Variants in SLC44A1 observed in about 807,000 individuals in gnomAD.
SLC44A1 encodes choline transporter-like protein 1.
In SLC44A1, 26 loss-of-function variants were observed where a neutral mutation model predicts 79.3. That is an observed-to-expected ratio of 0.33 (90% CI 0.24 to 0.46). The LOEUF (loss-of-function observed/expected upper bound fraction) is 0.46. Ranked by LOEUF, SLC44A1 falls within the 20% of genes least tolerant of loss-of-function variation. The probability of loss-of-function intolerance (pLI) is 1.00; values close to 1 mark genes in which losing one functional copy is unlikely to be tolerated. For missense variants in SLC44A1, 688 were observed against 798.1 expected (o/e 0.86, Z 1.66); for synonymous variants, 263 against 286.2 (o/e 0.92, Z 0.82).
chr9:105,255,078 C>T (rs1451456924), intron 1 of SLC44A1, among the ~76,000 whole-genome samples: 1 of 149,622 alleles, frequency 6.7e-6, no homozygotes, highest in Non-Finnish European at 1.5e-5. Flanking sequence ...TTTGTTTTAA[C>T]CTGCTTACTT....
chr9:105,344,150 A>G (rs917126225), intron 4 of SLC44A1, among the ~76,000 whole-genome samples: 1 of 152,176 alleles, frequency 6.6e-6, no homozygotes, highest in African/African-American at 2.4e-5. Context: ...TTTCTTATTA[A>G]TTGCAAATTT....
rs764551018 is a variant in SLC44A1 at position 105,254,969 on chromosome 9, TTTCC to T, written c.36+10068_36+10071del. Among the ~76,000 whole-genome samples, 12 of 152,310 alleles carry T rather than the reference TTTCC, an allele frequency of 7.9e-5. No individual in the cohort carries two copies. In the South Asian group the frequency reaches 2.5e-3, roughly 32 times the overall value. On this transcript the variant is annotated intron_variant, in intron 1 of 15. Transcript: ENST00000374720. Reference sequence around the variant, plus strand: ...GTATCAAAAAACTGATAGTTTTTATTTTCCTTATTTTTTTTCCACCTCCAGCTGA... The same window carrying T: ...GTATCAAAAAACTGATAGTTTTTATTTTATTTTTTTTCCACCTCCAGCTGA...
intron 1 of SLC44A1, among the ~76,000 whole-genome samples, chr9:105,283,171 A>G (rs1588731566): frequency 6.6e-6 from 1 of 152,218 alleles, no homozygotes; most frequent in South Asian, 2.1e-4. Flanking sequence ...ATTTCCGGGC[A>G]TGGAGCGGGT....
chr9:105,244,951 C>T (rs1829391761), intron 1 of SLC44A1, 47 bp downstream of exon 1: 4 of 1,052,952 alleles, frequency 3.8e-6, no homozygotes, highest in African/African-American at 1.7e-5. Context: ...GCCTCCCGTG[C>T]GCCGCGTCGC....
chr9:105,289,949 G>T (rs959691057), intron 1 of SLC44A1, among the ~76,000 whole-genome samples: 2 of 151,986 alleles, frequency 1.3e-5, no homozygotes, highest in Non-Finnish European at 2.9e-5. Context: ...GAGTATCTGG[G>T]ATTACAGGTG....
intron 2 of SLC44A1, 86 bp from the exon 3 acceptor site, chr9:105,309,638 C>T: frequency 1.6e-6 from 2 of 1,252,604 alleles, no homozygotes; most frequent in Non-Finnish European, 2.3e-6. Flanking sequence ...CTTCAGCAGA[C>T]AAAAAGAAGC....
chr9:105,312,119 C>A (rs1831197728), intron 3 of SLC44A1, among the ~76,000 whole-genome samples: 2 of 152,248 alleles, frequency 1.3e-5, no homozygotes, highest in Admixed American at 1.3e-4. Context: ...TTACTAAGAC[C>A]TTTATACATA....
chr9:105,365,195 C>T (rs571058612), intron 10 of SLC44A1, among the ~76,000 whole-genome samples: 1 of 152,230 alleles, frequency 6.6e-6, no homozygotes, highest in African/African-American at 2.4e-5. Context: ...TTTCTGATGA[C>T]CCCATAAGTA....
chr9:105,335,619 C>T lies in SLC44A1; in HGVS notation c.326C>T (p.Ser109Phe), dbSNP rs1826890080. 1.9e-6 allele frequency: 3 copies of T among 1,613,448 alleles called. No individual in the cohort carries two copies. The highest frequency in any genetic ancestry group is 2.2e-5 in the South Asian group (2 of 91,010). ...GACTTGATAAACCGGAAGATTAAGT[C>T]TGTAGCACTGTGTGTAGCAGCGTGT... ...NLDLINRKIK[S>F]VALCVAACPR... Residue 109 changes from serine to phenylalanine, a missense_variant, in exon 4 of 16, where the codon TCT (serine) becomes TTT (phenylalanine). Transcript: ENST00000374720.
chr9:105,424,366 G>T (rs911138511), intron 15 of SLC44A1, among the ~76,000 whole-genome samples: 1 of 152,220 alleles, frequency 6.6e-6, no homozygotes, highest in African/African-American at 2.4e-5. Context: ...AGATGTGGCT[G>T]GAGCTTGCCC....
chr9:105,244,659 A>AGCCGCC lies in SLC44A1; in HGVS notation c.-208_-203dup, dbSNP rs745361237. 1.2e-5 allele frequency: 3 copies of AGCCGCC among 246,564 alleles called. No homozygotes were observed. Among genetic ancestry groups the AGCCGCC allele is most frequent in the South Asian group, 1.5e-4 (1 of 6,608 alleles). The allele number at this position is 246,564 out of a possible 1,614,324, so 15.3% of individuals were successfully genotyped here. A position where few individuals can be genotyped will look rare whatever the true frequency, so the allele number is the denominator to read the frequency against. The stretch of plus-strand genomic sequence containing the variant: ...AGCAGGAGCAGAGCAGGAGACGCGT[A>AGCCGCC]GCCGCCGTCGCCGCCGCCGGGGGAT... On this transcript the variant is annotated 5_prime_UTR_variant, in exon 1 of 16. Coordinates refer to ENST00000374720, the MANE Select transcript of SLC44A1 (RefSeq NM_080546.5).
intron 4 of SLC44A1, among the ~76,000 whole-genome samples, chr9:105,340,437 G>A (rs1827051990): frequency 6.6e-6 from 1 of 152,180 alleles, no homozygotes; most frequent in East Asian, 1.9e-4. Flanking sequence ...AAGATGAAGA[G>A]AGTTCTGGAG....
chr9:105,289,792 A>G (rs1830560489), intron 1 of SLC44A1, among the ~76,000 whole-genome samples: 1 of 151,254 alleles, frequency 6.6e-6, no homozygotes, highest in African/African-American at 2.4e-5. Flanking sequence ...ATTATAAGTC[A>G]GTTCTCAGTG....
intron 15 of SLC44A1, among the ~76,000 whole-genome samples, chr9:105,408,402 T>TTTGTTGTTG (rs71364094): frequency 0.086 from 12,986 of 151,812 alleles, 1,342 homozygotes; most frequent in African/African-American, 0.25. Flanking sequence ...TTGTCACTCA[T>TTTGTTGTTG]TTGTTGTTGT....
intron 15 of SLC44A1, among the ~76,000 whole-genome samples, chr9:105,412,209 ATATT>A (rs1564055841): frequency 1.3e-5 from 2 of 152,226 alleles, no homozygotes; most frequent in African/African-American, 4.8e-5. Flanking sequence ...CATCAAATAC[ATATT>A]TATTTGTTGA....
intron 15 of SLC44A1, among the ~76,000 whole-genome samples, chr9:105,433,802 A>G (rs1299818617): frequency 1.3e-5 from 2 of 152,182 alleles, no homozygotes; most frequent in Non-Finnish European, 2.9e-5. Flanking sequence ...CAATCAAGTC[A>G]TTATACAATG....
chr9:105,384,361 A>G (rs1828566672), intron 14 of SLC44A1, among the ~76,000 whole-genome samples: 1 of 151,942 alleles, frequency 6.6e-6, no homozygotes, highest in Non-Finnish European at 1.5e-5. Context: ...TTGTATTTTT[A>G]GTAGAGATGG....
chr9:105,308,538 T>C (rs913465990), intron 2 of SLC44A1, among the ~76,000 whole-genome samples: 1 of 152,224 alleles, frequency 6.6e-6, no homozygotes, highest in African/African-American at 2.4e-5. Context: ...CTCCCTTACC[T>C]GCACAATGAA....
chr9:105,366,339 C>T lies in SLC44A1; in HGVS notation c.1411-7C>T, dbSNP rs1274641010. On this transcript the variant is annotated splice_region_variant and splice_polypyrimidine_tract_variant and intron_variant, in intron 11 of 15. Coordinates refer to ENST00000374720, the MANE Select transcript of SLC44A1 (RefSeq NM_080546.5). ...TTTTTTATTATTTCCATTTTTCCCC[C>T]ATCCAGGAAAATGCTTGTGCACGAT... 1.4e-6 allele frequency: 2 copies of T among 1,445,054 alleles called. No individual in the cohort carries two copies. The highest frequency in any genetic ancestry group is 1.8e-6 in the Non-Finnish European group (2 of 1,089,150). 89.5% of individuals were successfully genotyped at this position (1,445,054 alleles called of 1,614,324 possible).
Sources: gnomAD v4.1 joint callset for allele counts (sites outside exome capture counted in the v4.1 genomes callset) on GRCh38, gnomAD v4.1.1 for gene constraint, MANE v1.5 for transcripts, NCBI Gene and HGNC (gene_info 2026-07-23, HGNC 2026-07-21) for gene names.